The following LRP4 variants were observed in gnomAD, a reference collection of about 807,000 sequenced individuals.
LRP4 encodes the protein low-density lipoprotein receptor-related protein 4.
In LRP4, 95 loss-of-function variants were observed where a neutral mutation model predicts 220.3. The ratio of observed to expected loss-of-function variants is 0.43; its 90% CI spans 0.37 to 0.51. The LOEUF is 0.51. LRP4 is among the 20% of genes least tolerant of loss of function. The pLI is 0.00. For synonymous variants in LRP4, 903 were observed against 954.6 expected (o/e 0.95, Z 1.00); for missense variants, 1,925 against 2,567.0 (o/e 0.75, Z 5.40).
At chr11:46,888,493 T>C (rs1565792001) in intron 16 of LRP4, among the ~76,000 whole-genome samples, 1 of 123,912 alleles carries the variant, frequency 8.1e-6, no homozygotes, top group East Asian at 2.8e-4. Flanking sequence ...GTGGAGGTTG[T>C]GGTGAGCCGA....
chr11:46,861,354 G>C (rs1260874284), intron 37 of LRP4, among the ~76,000 whole-genome samples: 1 of 152,050 alleles, frequency 6.6e-6, no homozygotes, highest in Non-Finnish European at 1.5e-5. Flanking sequence ...GCAGGTGTGA[G>C]AGCAGGTTCT....
At chr11:46,863,584 CAAAAAAA>C (rs55744712) in intron 36 of LRP4, among the ~76,000 whole-genome samples, 25 of 54,136 alleles carry the variant, frequency 4.6e-4, no homozygotes, top group South Asian at 7.9e-4. Flanking sequence ...ACTAAAAATA[CAAAAAAA>C]AAAAAAAAAA....
chr11:46,879,043 G>A lies in LRP4; in HGVS notation c.3005-5C>T. 2 of 1,614,220 alleles carry A rather than the reference G, an allele frequency of 1.2e-6. No homozygotes were observed. Among genetic ancestry groups the A allele is most frequent in the Non-Finnish European group, 1.7e-6 (2 of 1,180,038 alleles). ...CCATAGCACATGGTGTAGACACTGG[G>A]TAGAGAGGAGGGGATGTTCAATGGG... On this transcript the variant is annotated splice_region_variant and splice_polypyrimidine_tract_variant and intron_variant, in intron 21 of 37. Coordinates refer to ENST00000378623, the MANE Select transcript of LRP4 (RefSeq NM_002334.4).
At position 46,868,852 on chromosome 11, in the gene LRP4, A is replaced by G. The variant is rs539176150; in HGVS notation, c.4837+136T>C. The G allele has an allele frequency of 2.2e-6, 3 of 1,350,600 alleles. No homozygotes were observed. The East Asian group carries it at 6.9e-5, about 31-fold the overall frequency. 83.7% of individuals were successfully genotyped at this position (1,350,600 alleles called of 1,614,324 possible). A position where few individuals can be genotyped will look rare whatever the true frequency, so the allele number is the denominator to read the frequency against. On this transcript the variant is annotated intron_variant, in intron 32 of 37. Transcript: ENST00000378623. ...AGGAGAGATACAACCGCGAGGGAGT[A>G]AAAAGTTCTAAGCGTTTAAAATGTG...
At chr11:46,878,871 A>G (rs755579876) in intron 22 of LRP4, 36 bp downstream of exon 22, 7 of 1,613,312 alleles carry the variant, frequency 4.3e-6, no homozygotes, top group Non-Finnish European at 5.1e-6. Context: ...CCCCTCCCAG[A>G]GAGGCTGCAT....
At chr11:46,879,663 C>A (rs1364622716) in intron 20 of LRP4, among the ~76,000 whole-genome samples, 2 of 152,200 alleles carry the variant, frequency 1.3e-5, no homozygotes, top group East Asian at 3.8e-4. Context: ...GTAAGTATCA[C>A]AATAACGGAA....
chr11:46,884,719 A>G lies in LRP4; in HGVS notation c.2507-743T>C, dbSNP rs1941244169. On this transcript the variant is annotated intron_variant, in intron 18 of 37. Transcript: ENST00000378623. Reference sequence around the variant, plus strand: ...GCCACAGCACTCCAGCCTGGGGGACAGAGTGAGACTCCGTCTCAAAAAAAA... The same window carrying G: ...GCCACAGCACTCCAGCCTGGGGGACGGAGTGAGACTCCGTCTCAAAAAAAA... Among the ~76,000 whole-genome samples the G allele has an allele frequency of 3.7e-5, 5 of 136,484 alleles. No individual in the cohort carries two copies. In the South Asian group the frequency reaches 1.3e-3, roughly 35 times the overall value. The allele number at this position is 136,484 out of a possible 152,430, so 89.5% of individuals were successfully genotyped here. A position where few individuals can be genotyped will look rare whatever the true frequency, so the allele number is the denominator to read the frequency against.
In LRP4 at chr11:46,876,644, G is replaced by A. The variant is rs1565783851; in HGVS notation, c.3365-7C>T. The A allele has an allele frequency of 9.3e-6, 15 of 1,614,086 alleles. No homozygotes were observed. The Admixed American group carries it at 2.0e-4, about 22-fold the overall frequency. ...CCATCTGTGGTCTGTAGCCCTGTGG[G>A]AAGTCAAAAGAGCACACTGGCTCCT... On this transcript the variant is annotated splice_polypyrimidine_tract_variant and splice_region_variant and intron_variant, in intron 24 of 37. Coordinates refer to ENST00000378623, the MANE Select transcript of LRP4 (RefSeq NM_002334.4).
chr11:46,868,619 A>C lies in LRP4; in HGVS notation c.4932T>G (p.Asp1644Glu). ...ACTCACCAAGGGAGCAGGGCCGGCT[A>C]TCAGGTTCGTCAGGACAGGCACATA... is the stretch of plus-strand genomic sequence containing the variant. The part of the protein sequence containing the change: ...DFVCACPDEP[D>E]SRPCSLVPGL... Residue 1644 changes from aspartate (D) to glutamate (E), a missense_variant, in exon 33 of 38, where the codon GAT (aspartate) becomes GAG (glutamate). This residue lies in a region of LRP4 where 1,244 missense variants were observed against 1,624.9 expected (regional missense o/e 0.77). Transcript: ENST00000378623. The C allele has an allele frequency of 6.2e-7, 1 of 1,613,892 alleles. No individual in the cohort carries two copies.
In LRP4 at chr11:46,875,745, T is replaced by C; in HGVS notation, c.3699+59A>G. 6.2e-7 allele frequency: 1 copy of C among 1,612,920 alleles called. No homozygotes were observed. Among genetic ancestry groups the C allele is most frequent in the Non-Finnish European group, 8.5e-7 (1 of 1,179,050 alleles). ...GATTGGGAACTCTCCATGGAGATCC[T>C]AGGCAGGCCTTTCCCATCTTCCCAG... On this transcript the variant is annotated intron_variant, in intron 26 of 37. Coordinates refer to ENST00000378623, the MANE Select transcript of LRP4 (RefSeq NM_002334.4). This position sits in a 1 kb window ranked among gnomAD's most constrained non-coding sequence, Gnocchi z 4.5.
intron 37 of LRP4, among the ~76,000 whole-genome samples, chr11:46,862,214 A>C (rs917274827): frequency 4.6e-5 from 7 of 152,176 alleles, no homozygotes; most frequent in Non-Finnish European, 7.3e-5. Flanking sequence ...GTAATGGGCG[A>C]GTCCAGGAGC....
At chr11:46,903,008 C>A in intron 1 of LRP4, 79 bp from the exon 2 acceptor site, 4 of 1,576,840 alleles carry the variant, frequency 2.5e-6, no homozygotes, top group Non-Finnish European at 3.5e-6. Context: ...AGTAGAGGAG[C>A]CTAGTCCAGG....
At chr11:46,867,839 C>T (rs1000870936) in intron 34 of LRP4, 140 bp downstream of exon 34, 1 of 991,110 alleles carries the variant, frequency 1.0e-6, no homozygotes, top group African/African-American at 1.6e-5. Flanking sequence ...CTGAATATCA[C>T]CTTCTGTCCC....
At chr11:46,868,963 G>A (rs866990050) in intron 32 of LRP4, 25 bp downstream of exon 32, 1 of 1,614,132 alleles carries the variant, frequency 6.2e-7, no homozygotes, top group Middle Eastern at 1.7e-4. Flanking sequence ...TGTTAAGGAA[G>A]CAGGCTCAGT....
intron 22 of LRP4, 45 bp downstream of exon 22, chr11:46,878,862 C>T: frequency 6.2e-7 from 1 of 1,612,774 alleles, no homozygotes. Context: ...AGCCATTGCC[C>T]CCTCCCAGAG....
At chr11:46,884,960 C>A (rs967268662) in intron 18 of LRP4, among the ~76,000 whole-genome samples, 1 of 151,958 alleles carries the variant, frequency 6.6e-6, no homozygotes, top group African/African-American at 2.4e-5. Flanking sequence ...TGCTCACTAA[C>A]CCCCAAAGAT....
At position 46,873,224 on chromosome 11, in the gene LRP4, A is replaced by G; in HGVS notation, c.4459T>C (p.Trp1487Arg). Reference sequence around the variant, plus strand: ...TTGGCAATGTGGCCCCAGTCTGTCCAGAAGAGGTACCTGAGACACAACAGT... The same window carrying G: ...TTGGCAATGTGGCCCCAGTCTGTCCGGAAGAGGTACCTGAGACACAACAGT... ...AVFPRKGYLF[W>R]TDWGHIAKIE... The change falls in exon 30 of 38, where the codon TGG (tryptophan) becomes CGG (arginine). Residue 1487 changes from tryptophan (W) to arginine (R), a missense_variant. Coordinates refer to ENST00000378623, the MANE Select transcript of LRP4 (RefSeq NM_002334.4). This position sits in a 1 kb window ranked among gnomAD's most constrained non-coding sequence, Gnocchi z 4.2. The G allele has an allele frequency of 6.2e-7, 1 of 1,614,186 alleles. No homozygotes were observed. The highest frequency in any genetic ancestry group is 8.5e-7 in the Non-Finnish European group (1 of 1,180,030).
chr11:46,915,884 T>C (rs957750253), intron 1 of LRP4, among the ~76,000 whole-genome samples: 1 of 152,176 alleles, frequency 6.6e-6, no homozygotes, highest in Non-Finnish European at 1.5e-5. Context: ...ACTACATTTA[T>C]CACAACTGCT....
In LRP4 at chr11:46,868,610, G is replaced by C. The variant is rs1940766984; in HGVS notation, c.4941C>G (p.Pro1647=). 1 of 1,613,544 alleles carries C rather than the reference G, an allele frequency of 6.2e-7. No individual in the cohort carries two copies. Among genetic ancestry groups the C allele is most frequent in the East Asian group, 2.2e-5 (1 of 44,884 alleles). The change falls in exon 33 of 38, where the codon CCC becomes CCG. Residue 1647 remains proline (P), a synonymous_variant. Transcript: ENST00000378623. ...TACAGTCCAACTCACCAAGGGAGCA[G>C]GGCCGGCTATCAGGTTCGTCAGGAC... is the stretch of plus-strand genomic sequence containing the variant. The part of the protein sequence containing the change: ...CACPDEPDSR[P]CSLVPGLVPP...
Sources: allele counts gnomAD v4.1 joint callset (sites outside exome capture counted in the v4.1 genomes callset), GRCh38; gene constraint gnomAD v4.1.1; regional missense constraint gnomAD v4.1.1; non-coding constraint Gnocchi (gnomAD v3.1); transcripts MANE v1.5; gene names NCBI Gene and HGNC (gene_info 2026-07-23, HGNC 2026-07-21).